The following KANSL1L variants were observed in gnomAD, a reference collection of about 807,000 sequenced individuals.
KANSL1L encodes KAT8 regulatory NSL complex subunit 1 like.
A neutral mutation model predicts 108.6 loss-of-function variants in KANSL1L; 25 were observed. That is an observed-to-expected ratio of 0.23 (90% confidence interval 0.17 to 0.32). KANSL1L has a LOEUF of 0.32. KANSL1L is among the 10% of genes least tolerant of loss of function. The pLI, the probability that KANSL1L is intolerant of heterozygous loss-of-function variation, is 1.00. For missense variants in KANSL1L, 1,137 were observed against 1,125.7 expected (o/e 1.01, Z -0.14); for synonymous variants, 405 against 395.1 (o/e 1.03, Z -0.30).
At chr2:210,090,455 T>C (rs1438457940) in intron 5 of KANSL1L, among the ~76,000 whole-genome samples, 1 of 152,168 alleles carries the variant, frequency 6.6e-6, no homozygotes, top group Non-Finnish European at 1.5e-5. Context: ...AGAATATAAA[T>C]ATTTAGGCAC....
chr2:210,088,572 G>A lies in KANSL1L; in HGVS notation c.1550+9514C>T, dbSNP rs999213056. ...ATCTTAGGGAAGACGTGCCTTGAAA[G>A]CTGTTGAGCCACAGCAAATAACTGC... On this transcript the variant is annotated intron_variant, in intron 5 of 14. Coordinates refer to ENST00000281772, the MANE Select transcript of KANSL1L (RefSeq NM_152519.4). 4 of 152,368 alleles carry A rather than the reference G, an allele frequency of 2.6e-5. No individual in the cohort carries two copies. In the East Asian group the frequency reaches 7.7e-4, roughly 29 times the overall value. The allele number at this position is 152,368 out of a possible 1,614,324, so 9.4% of individuals were successfully genotyped here.
intron 1 of KANSL1L, among the ~76,000 whole-genome samples, chr2:210,157,214 T>C (rs1469455506): frequency 6.6e-6 from 1 of 152,138 alleles, no homozygotes; most frequent in Admixed American, 6.6e-5. Flanking sequence ...CTTGTTGATG[T>C]TACAGCACTC....
At chr2:210,150,051 G>C (rs1053646141) in intron 2 of KANSL1L, among the ~76,000 whole-genome samples, 4 of 151,926 alleles carry the variant, frequency 2.6e-5, no homozygotes, top group Admixed American at 1.3e-4. Flanking sequence ...ATGCAGGTGG[G>C]GCTTTAATAA....
At chr2:210,126,347 C>T (rs1409389325) in intron 3 of KANSL1L, among the ~76,000 whole-genome samples, 1 of 152,178 alleles carries the variant, frequency 6.6e-6, no homozygotes, top group Non-Finnish European at 1.5e-5. Context: ...ATCCCATATT[C>T]ATGGATTGGA....
chr2:210,058,113 T>TA (rs1190113097), intron 6 of KANSL1L, among the ~76,000 whole-genome samples: 6 of 152,220 alleles, frequency 3.9e-5, no homozygotes, highest in Non-Finnish European at 7.4e-5. Context: ...ATGGGAGAAA[T>TA]ATCGCTGAAT....
chr2:210,033,566 G>T (rs2094053521), intron 8 of KANSL1L, among the ~76,000 whole-genome samples: 1 of 152,022 alleles, frequency 6.6e-6, no homozygotes, highest in African/African-American at 2.4e-5. Context: ...GTCTCGCTCT[G>T]TCTCCCAGGC....
intron 2 of KANSL1L, among the ~76,000 whole-genome samples, chr2:210,142,428 T>C (rs2095237035): frequency 6.6e-6 from 1 of 152,054 alleles, no homozygotes; most frequent in Non-Finnish European, 1.5e-5. Flanking sequence ...TCTGCTTATC[T>C]TTTCAAAAAA....
intron 8 of KANSL1L, chr2:210,032,700 A>G (rs2094036151): frequency 6.6e-6 from 1 of 152,232 alleles, no homozygotes; most frequent in South Asian, 2.1e-4. Context: ...AATGTTGTAT[A>G]AATTCCCTTC....
At position 210,023,004 on chromosome 2, in the gene KANSL1L, A is replaced by T. The variant is rs2093881296; in HGVS notation, c.2909T>A (p.Met970Lys). 1.9e-6 allele frequency: 3 copies of T among 1,613,816 alleles called. No individual in the cohort carries two copies. Among genetic ancestry groups the T allele is most frequent in the Middle Eastern group, 1.6e-4 (1 of 6,084 alleles). ...GHHPKKQSDG[M>K]EEYKTFGLGL... ...TAGACCAAAGGTTTTGTATTCTTCC[A>T]TTCCATCTGACTGCTTTTTTGGATG... The change falls in exon 15 of 15, where the codon ATG (methionine) becomes AAG (lysine). Residue 970 changes from methionine to lysine, a missense_variant. By Grantham distance (95) the Met-to-Lys change is moderately conservative. Coordinates refer to ENST00000281772, the MANE Select transcript of KANSL1L (RefSeq NM_152519.4).
rs569571712 is a variant in KANSL1L at position 210,077,200 on chromosome 2, T to C, written c.1551-1444A>G. Among the ~76,000 whole-genome samples the C allele has an allele frequency of 8.5e-5, 13 of 152,232 alleles. No homozygotes were observed. In the South Asian group the frequency reaches 1.0e-3, roughly 12 times the overall value. On this transcript the variant is annotated intron_variant, in intron 5 of 14. Coordinates refer to ENST00000281772, the MANE Select transcript of KANSL1L (RefSeq NM_152519.4). ...TATCATACATTCAACAAATACGTAA[T>C]TGATTATGCACTACTGGCCAGACCA...
At chr2:210,079,676 A>ATATATATATATATGTATGTGTG (rs1559539899) in intron 5 of KANSL1L, 11 of 20,690 alleles carry the variant, frequency 5.3e-4, no homozygotes, top group African/African-American at 2.7e-3. Flanking sequence ...GTATGTGTGT[A>ATATATATATATATGTATGTGTG]TATATATATA....
At chr2:210,170,973 T>A (rs1359686643) in intron 1 of KANSL1L, among the ~76,000 whole-genome samples, 176 bp downstream of exon 1, 6 of 150,782 alleles carry the variant, frequency 4.0e-5, no homozygotes. Flanking sequence ...TAGAGCGCGA[T>A]CCCGTGCCGA....
At chr2:210,041,862 G>A (rs920066362) in intron 7 of KANSL1L, among the ~76,000 whole-genome samples, 2 of 152,172 alleles carry the variant, frequency 1.3e-5, no homozygotes, top group Non-Finnish European at 2.9e-5. Context: ...GTATCATCAT[G>A]GAGTTTGTAC....
chr2:210,075,614 G>C lies in KANSL1L; in HGVS notation c.1693C>G (p.Leu565Val), dbSNP rs751424450. The C allele has an allele frequency of 1.2e-6, 2 of 1,614,096 alleles. No individual in the cohort carries two copies. The highest frequency in any genetic ancestry group is 2.2e-5 in the South Asian group (2 of 91,082). Reference sequence around the variant, plus strand: ...AGTTTTCGTTTGTGGAAACTCTGAAGTGGCCTTGTTCGGGCTGATGTACTC... The same window carrying C: ...AGTTTTCGTTTGTGGAAACTCTGAACTGGCCTTGTTCGGGCTGATGTACTC... ...FMSTSARTRP[L>V]QSFHKRKLYR... The change falls in exon 6 of 15, where the codon CTT (leucine) becomes GTT (valine). Residue 565 changes from leucine to valine, a missense_variant. Physicochemically the swap from Leu to Val is conservative, Grantham distance 32 (BLOSUM62 1). Around this residue, in one of 3 missense-constraint regions of KANSL1L, gnomAD observed 575 missense variants for 567.1 expected, o/e 1.01. Coordinates refer to ENST00000281772, the MANE Select transcript of KANSL1L (RefSeq NM_152519.4).
intron 8 of KANSL1L, among the ~76,000 whole-genome samples, chr2:210,040,115 A>T (rs1366552523): frequency 1.3e-5 from 2 of 151,896 alleles, no homozygotes; most frequent in African/African-American, 4.8e-5. Context: ...AATCATATGA[A>T]CTATTAGGAA....
At chr2:210,132,799 G>A (rs779724030) in intron 2 of KANSL1L, among the ~76,000 whole-genome samples, 1 of 152,090 alleles carries the variant, frequency 6.6e-6, no homozygotes, top group South Asian at 2.1e-4. Context: ...ATTTGGTTTT[G>A]GAATCAAGCT....
intron 6 of KANSL1L, among the ~76,000 whole-genome samples, chr2:210,058,976 C>T (rs1385752108): frequency 6.6e-6 from 1 of 151,880 alleles, no homozygotes; most frequent in Non-Finnish European, 1.5e-5. Flanking sequence ...CTCAGACCGG[C>T]TGACACTTAG....
At chr2:210,086,797 TTTC>T (rs1348200052) in intron 5 of KANSL1L, among the ~76,000 whole-genome samples, 1 of 152,004 alleles carries the variant, frequency 6.6e-6, no homozygotes, top group East Asian at 1.9e-4. Context: ...AAAATTTAAA[TTTC>T]TTCTAACCTA....
intron 1 of KANSL1L, among the ~76,000 whole-genome samples, chr2:210,156,374 T>G (rs2125653665): frequency 6.6e-6 from 1 of 152,220 alleles, no homozygotes; most frequent in South Asian, 2.1e-4. Context: ...AAACACATTT[T>G]TACCAAAGGG....
Sources: gnomAD v4.1 joint callset for allele counts (sites outside exome capture counted in the v4.1 genomes callset) on GRCh38, gnomAD v4.1.1 for gene constraint, gnomAD v4.1.1 regional missense constraint, MANE v1.5 for transcripts, NCBI Gene and HGNC (gene_info 2026-07-23, HGNC 2026-07-21) for gene names.